The following BAZ2B variants were observed in gnomAD, a reference collection of about 807,000 sequenced individuals.
BAZ2B encodes the protein bromodomain adjacent to zinc finger domain 2B.
A neutral mutation model predicts 246.0 loss-of-function variants in BAZ2B; 91 were observed. That is an observed-to-expected ratio of 0.37 (90% CI 0.31 to 0.44). The LOEUF is 0.44. BAZ2B is among the 20% of genes least tolerant of loss of function. BAZ2B has a pLI of 1.00. For synonymous variants in BAZ2B, 855 were observed against 860.0 expected, an observed-to-expected ratio of 0.99 and a Z score of 0.10; for missense variants, 2,332 against 2,533.7, an observed-to-expected ratio of 0.92 and a Z score of 1.71.
the BAZ2B span, among the ~76,000 whole-genome samples, chr2:159,667,644 A>G: frequency 6.7e-6 from 1 of 148,874 alleles, no homozygotes; most frequent in African/African-American, 2.5e-5. Flanking sequence ...AAATAAATAA[A>G]AGACTCTCCA....
intron 25 of BAZ2B, 125 bp from the exon 26 acceptor site, chr2:159,374,878 A>C (rs1429872653): frequency 1.3e-6 from 1 of 763,770 alleles, no homozygotes; most frequent in Non-Finnish European, 2.1e-6. Context: ...CTTTTCTATA[A>C]ACTAATAATC....
At chr2:159,532,226 T>A (rs1357707579) in intron 2 of BAZ2B, among the ~76,000 whole-genome samples, 1 of 152,150 alleles carries the variant, frequency 6.6e-6, no homozygotes, top group Non-Finnish European at 1.5e-5. Flanking sequence ...ATTTACATAG[T>A]AATAAAATAA....
intron 3 of BAZ2B, chr2:159,462,232 G>C: frequency 1.9e-6 from 1 of 521,572 alleles, no homozygotes; most frequent in Non-Finnish European, 3.5e-6. Context: ...AAAAGAATCA[G>C]ACAATGCTAT....
chr2:159,421,990 A>G (rs2068845658), intron 13 of BAZ2B, among the ~76,000 whole-genome samples: 1 of 152,192 alleles, frequency 6.6e-6, no homozygotes. Flanking sequence ...CTCATTTACA[A>G]TAATAGCCAC....
intron 34 of BAZ2B, among the ~76,000 whole-genome samples, chr2:159,331,657 G>T (rs542969791): frequency 2.6e-5 from 4 of 152,314 alleles, no homozygotes; most frequent in African/African-American, 9.6e-5. Flanking sequence ...AATTACAGGT[G>T]TGAGCCAACA....
chr2:159,391,301 C>T (rs906688151), intron 20 of BAZ2B, among the ~76,000 whole-genome samples: 6 of 152,076 alleles, frequency 3.9e-5, no homozygotes, highest in Non-Finnish European at 8.8e-5. Context: ...GCCATATAGC[C>T]CAGATGTGTA....
At chr2:159,512,004 AG>A (rs1384108389) in intron 2 of BAZ2B, among the ~76,000 whole-genome samples, 1 of 152,196 alleles carries the variant, frequency 6.6e-6, no homozygotes, top group Non-Finnish European at 1.5e-5. Context: ...TAAAATTTTG[AG>A]AAATGTATCA....
chr2:159,607,928 A>C (rs1253832241), intron 1 of BAZ2B, among the ~76,000 whole-genome samples: 3 of 152,256 alleles, frequency 2.0e-5, no homozygotes. Flanking sequence ...TAAAGAATGA[A>C]GGTAGATGCC....
rs1388994193 is a variant in BAZ2B, at chr2:159,349,145, A to G, written c.4999T>C (p.Ser1667Pro). 1.2e-6 allele frequency: 2 copies of G among 1,613,988 alleles called. No individual in the cohort carries two copies. Among genetic ancestry groups the G allele is most frequent in the African/African-American group, 2.7e-5 (2 of 74,918 alleles). Residue 1667 changes from serine to proline, a missense_variant, in exon 29 of 37, where the codon TCA (serine) becomes CCA (proline). Coordinates refer to ENST00000392783, the MANE Select transcript of BAZ2B (RefSeq NM_013450.4). Reference protein sequence around the residue: ...GLGLSEGNGNSFLTSNVASSK... With the variant: ...GLGLSEGNGNPFLTSNVASSK... ...GAAGCAACATTGGAAGTCAAGAATG[A>G]ATTACCATTTCCTTCTGATAACCCT... is the stretch of plus-strand genomic sequence containing the variant.
chr2:159,420,197 AG>A (rs1287315474), intron 13 of BAZ2B, among the ~76,000 whole-genome samples: 3 of 152,328 alleles, frequency 2.0e-5, no homozygotes, highest in Non-Finnish European at 2.9e-5. Context: ...CTGTACTGAA[AG>A]GTGTGTTCAC....
intron 20 of BAZ2B, among the ~76,000 whole-genome samples, chr2:159,394,937 C>CA: frequency 6.6e-6 from 1 of 152,160 alleles, no homozygotes; most frequent in Non-Finnish European, 1.5e-5. Context: ...CTCTACACAT[C>CA]AAAAACCTAT....
At chr2:159,638,569 T>G in the BAZ2B span, among the ~76,000 whole-genome samples, 1 of 152,004 alleles carries the variant, frequency 6.6e-6, no homozygotes, top group Non-Finnish European at 1.5e-5. Flanking sequence ...TTTAAAAGAA[T>G]CAAGCAGAAA....
At chr2:159,381,235 C>G (rs1471666434) in intron 25 of BAZ2B, among the ~76,000 whole-genome samples, 1 of 152,150 alleles carries the variant, frequency 6.6e-6, no homozygotes, top group Non-Finnish European at 1.5e-5. Flanking sequence ...GCAAACTCTT[C>G]TTCAGGCCTC....
the BAZ2B span, among the ~76,000 whole-genome samples, chr2:159,626,084 G>A: frequency 2.6e-5 from 4 of 151,752 alleles, no homozygotes; most frequent in Non-Finnish European, 5.9e-5. Context: ...GACAAAGAAG[G>A]CCATTACATA....
At chr2:159,323,801 C>CA (rs70994291) in intron 36 of BAZ2B, among the ~76,000 whole-genome samples, 57,922 of 127,306 alleles carry the variant, frequency 0.45, 13,947 homozygotes, top group Non-Finnish European at 0.59. Flanking sequence ...GAAACTCTCT[C>CA]AAAAAAAAAA....
chr2:159,698,942 A>G, the BAZ2B span, among the ~76,000 whole-genome samples: 1 of 152,226 alleles, frequency 6.6e-6, no homozygotes, highest in Non-Finnish European at 1.5e-5. Context: ...CTACCAGATA[A>G]TTACTACTTA....
intron 1 of BAZ2B, among the ~76,000 whole-genome samples, chr2:159,592,882 T>C (rs1376667799): frequency 6.6e-6 from 1 of 152,154 alleles, no homozygotes; most frequent in Admixed American, 6.6e-5. Flanking sequence ...CCCTGTTAAG[T>C]TTTGAAATAT....
At chr2:159,509,554 C>A (rs2082692324) in intron 2 of BAZ2B, among the ~76,000 whole-genome samples, 1 of 152,090 alleles carries the variant, frequency 6.6e-6, no homozygotes, top group African/African-American at 2.4e-5. Context: ...TCAGCCTAAT[C>A]TTTTACATTC....
chr2:159,618,164 C>T (rs371565045), upstream of BAZ2B, among the ~76,000 whole-genome samples: 4 of 152,248 alleles, frequency 2.6e-5, no homozygotes, highest in East Asian at 5.8e-4. Flanking sequence ...TTCACTACAC[C>T]ACACTCAGTA....
Sources: allele counts gnomAD v4.1 joint callset (sites outside exome capture counted in the v4.1 genomes callset), GRCh38; gene constraint gnomAD v4.1.1; transcripts MANE v1.5; gene names NCBI Gene and HGNC (gene_info 2026-07-23, HGNC 2026-07-21).